The following AHI1 variants were observed in gnomAD, a reference collection of about 807,000 sequenced individuals.
The protein encoded by AHI1 is Abelson helper integration site 1.
Under a neutral mutation model 149.3 loss-of-function variants are expected in AHI1, and 123 were observed. That is an observed-to-expected ratio of 0.82 (90% CI 0.71 to 0.96). AHI1 has a LOEUF of 0.96. Among genes scored for constraint, AHI1 ranks in the 40% least tolerant of loss-of-function variants. The pLI is 0.00. For missense variants in AHI1, 1,439 were observed against 1,422.7 expected, an observed-to-expected ratio of 1.01 and a Z score of -0.18; for synonymous variants, 475 against 459.8, an observed-to-expected ratio of 1.03 and a Z score of -0.42.
At chr6:135,399,240 T>C (rs1015583500) in intron 22 of AHI1, among the ~76,000 whole-genome samples, 22 of 152,176 alleles carry the variant, frequency 1.4e-4, no homozygotes, top group African/African-American at 1.4e-4. Context: ...GTTAGAAGCA[T>C]AGACCCTTCT....
intron 24 of AHI1, among the ~76,000 whole-genome samples, chr6:135,354,603 C>G (rs952891120): frequency 1.3e-5 from 2 of 152,104 alleles, no homozygotes; most frequent in African/African-American, 4.8e-5. Flanking sequence ...TAACAATTAA[C>G]TAACTTTTAC....
chr6:135,334,115 A>G (rs1209662813), intron 24 of AHI1, among the ~76,000 whole-genome samples: 1 of 152,200 alleles, frequency 6.6e-6, no homozygotes, highest in Non-Finnish European at 1.5e-5. Context: ...ATGACTTTCC[A>G]AGTTAGACTG....
intron 13 of AHI1, among the ~76,000 whole-genome samples, chr6:135,443,645 GT>G (rs1786682807): frequency 6.6e-6 from 1 of 152,124 alleles, no homozygotes; most frequent in Non-Finnish European, 1.5e-5. Flanking sequence ...TTCTAGACAG[GT>G]ACCAGGTTTT....
intron 23 of AHI1, among the ~76,000 whole-genome samples, chr6:135,361,288 A>G (rs13213387): frequency 6.6e-6 from 1 of 152,192 alleles, no homozygotes; most frequent in African/African-American, 2.4e-5. Flanking sequence ...TATAAACACC[A>G]CAATATATTG....
At chr6:135,305,901 G>A (rs1784479719) in intron 26 of AHI1, among the ~76,000 whole-genome samples, 1 of 152,174 alleles carries the variant, frequency 6.6e-6, no homozygotes, top group Non-Finnish European at 1.5e-5. Flanking sequence ...TTTTGCACAT[G>A]CTGTTTCTAA....
At chr6:135,486,944 T>A (rs866659918) in intron 5 of AHI1, among the ~76,000 whole-genome samples, 51 of 152,040 alleles carry the variant, frequency 3.4e-4, no homozygotes, top group Non-Finnish European at 4.4e-4. Context: ...AGTTTTTATT[T>A]TTTGAGAGAC....
At position 135,428,790 on chromosome 6, in the gene AHI1, C is replaced by CT. The variant is rs368616183; in HGVS notation, c.2493-32dup. Reference sequence around the variant, plus strand: ...AGCAAAAAAGATTTTACAAATGTAACTGTCTTAATCATGTAAATGACTGGT... The same window carrying CT: ...AGCAAAAAAGATTTTACAAATGTAACTTGTCTTAATCATGTAAATGACTGGT... On this transcript the variant is annotated intron_variant, in intron 18 of 28. Coordinates refer to ENST00000265602, the MANE Select transcript of AHI1 (RefSeq NM_001134831.2). The CT allele has an allele frequency of 2.9e-5, 46 of 1,560,302 alleles. No homozygotes were observed. The African/African-American group carries it at 3.7e-4, about 12-fold the overall frequency.
chr6:135,457,560 G>C lies in AHI1; in HGVS notation c.1085C>G (p.Ser362Cys). 6.2e-7 allele frequency: 1 copy of C among 1,613,876 alleles called. No individual in the cohort carries two copies. Among genetic ancestry groups the C allele is most frequent in the East Asian group, 2.2e-5 (1 of 44,860 alleles). The change falls in exon 9 of 29, where the codon TCT becomes TGT. Residue 362 changes from serine to cysteine, a missense_variant. By Grantham distance (112) the Ser-to-Cys change is moderately radical. Transcript: ENST00000265602. ...TDRLKSDFMI[S>C]HPMVKIHVVD... is the part of the protein sequence containing the mutation. ...CACATGAATTTTTACCATTGGGTGA[G>C]AAATCATAAAATCTGACTTAAGTCT...
rs1793910398 is a variant in AHI1, at chr6:135,482,894, C to CTTTTTTTTTTTTTCT, written c.135+7728_135+7729insAGAAAAAAAAAAAAA. 3.6e-5 allele frequency among the ~76,000 whole-genome samples: 2 copies of CTTTTTTTTTTTTTCT among 55,734 alleles called. 1 individual carries two copies. Among genetic ancestry groups the CTTTTTTTTTTTTTCT allele is most frequent in the Non-Finnish European group, 5.7e-5 (2 of 35,358 alleles). 36.6% of individuals were successfully genotyped at this position (55,734 alleles called of 152,430 possible). ...TTCAACCAGTATAATCCATTTAAGG[C>CTTTTTTTTTTTTTCT]TTTTTTTTTTTTTTTGAGACAGAGT... is the stretch of plus-strand genomic sequence containing the variant. On this transcript the variant is annotated intron_variant, in intron 5 of 28. Transcript: ENST00000265602.
intron 24 of AHI1, among the ~76,000 whole-genome samples, chr6:135,346,364 TTTTTTA>T (rs1562545420): frequency 6.6e-6 from 1 of 151,890 alleles, no homozygotes; most frequent in African/African-American, 2.4e-5. Context: ...CCGGCTAATT[TTTTTTA>T]TTTTTATTTT....
intron 19 of AHI1, among the ~76,000 whole-genome samples, chr6:135,427,810 A>C (rs1784111992): frequency 6.6e-6 from 1 of 151,624 alleles, no homozygotes; most frequent in East Asian, 1.9e-4. Context: ...AAGATGTCTA[A>C]AGTAGAGATC....
chr6:135,404,813 A>G (rs1370372961), intron 22 of AHI1, 138 bp downstream of exon 22: 2 of 697,906 alleles, frequency 2.9e-6, no homozygotes, highest in Admixed American at 2.4e-5. Context: ...ATTCTGTGAT[A>G]AAGCTGAGCT....
intron 21 of AHI1, among the ~76,000 whole-genome samples, chr6:135,409,441 C>T (rs1188802131): frequency 6.6e-6 from 1 of 151,954 alleles, no homozygotes. Context: ...TATTTAACTC[C>T]TTGGTAAATG....
At chr6:135,432,331 G>A (rs1164233732) in intron 16 of AHI1, among the ~76,000 whole-genome samples, 3 of 151,946 alleles carry the variant, frequency 2.0e-5, no homozygotes, top group East Asian at 1.9e-4. Flanking sequence ...AATGATTTAC[G>A]TTTTACATCT....
rs572548052 is a variant in AHI1, at chr6:135,312,527, C to A, written c.3426+5992G>T. On this transcript the variant is annotated intron_variant, in intron 26 of 28. Coordinates refer to ENST00000265602, the MANE Select transcript of AHI1 (RefSeq NM_001134831.2). ...GACTGTTTCAAAACAACAACAACAACAAAAAAAACCAACCAACCAACCAAG... is the reference window on the plus strand; with the variant it reads ...GACTGTTTCAAAACAACAACAACAAAAAAAAAAACCAACCAACCAACCAAG... Among the ~76,000 whole-genome samples the A allele has an allele frequency of 2.6e-4, 40 of 151,522 alleles. 1 individual carries two copies. In the East Asian group the frequency reaches 4.1e-3, roughly 15 times the overall value.
intron 22 of AHI1, among the ~76,000 whole-genome samples, chr6:135,396,729 C>T (rs1309966428): frequency 6.6e-6 from 1 of 151,602 alleles, no homozygotes; most frequent in Admixed American, 6.6e-5. Context: ...ATCTTAAAAT[C>T]AAGTAATGCA....
intron 20 of AHI1, among the ~76,000 whole-genome samples, chr6:135,416,335 T>G (rs1253724309): frequency 6.7e-6 from 1 of 150,204 alleles, no homozygotes; most frequent in Non-Finnish European, 1.5e-5. Context: ...CACTAAAAAT[T>G]AATTAGTAAT....
chr6:135,379,236 T>A (rs1282958149), intron 23 of AHI1, among the ~76,000 whole-genome samples: 1 of 152,178 alleles, frequency 6.6e-6, no homozygotes, highest in Non-Finnish European at 1.5e-5. Context: ...GTATCTCCTA[T>A]TTTCATTTAT....
At chr6:135,299,025 T>C (rs1009073069) in intron 27 of AHI1, among the ~76,000 whole-genome samples, 1 of 152,196 alleles carries the variant, frequency 6.6e-6, no homozygotes, top group Non-Finnish European at 1.5e-5. Context: ...TTATTGTTTC[T>C]AGTGTATTTT....
Sources: allele counts gnomAD v4.1 joint callset (sites outside exome capture counted in the v4.1 genomes callset), GRCh38; gene constraint gnomAD v4.1.1; transcripts MANE v1.5; gene names NCBI Gene and HGNC (gene_info 2026-07-23, HGNC 2026-07-21).